The following ZSWIM8 variants were observed in gnomAD, a reference collection of about 807,000 sequenced individuals.
The protein encoded by ZSWIM8 is zinc finger SWIM domain-containing protein 8.
ZSWIM8 carries 27 observed loss-of-function variants against 173.7 expected under a neutral mutation model. That is an observed-to-expected ratio of 0.16 (90% CI 0.11 to 0.21). The LOEUF (loss-of-function observed/expected upper bound fraction) is 0.21. ZSWIM8 is among the 10% of genes least tolerant of loss of function. ZSWIM8 has a pLI of 1.00. For missense variants in ZSWIM8, 1,627 were observed against 2,428.8 expected (o/e 0.67, Z 6.94); for synonymous variants, 958 against 962.0 (o/e 1.00, Z 0.08).
Position 73,800,697 on chromosome 10 carries a change from T to C in ZSWIM8, c.5060T>C (p.Phe1687Ser). 1 of 1,613,266 alleles carries C rather than the reference T, an allele frequency of 6.2e-7. No individual in the cohort carries two copies. Among genetic ancestry groups the C allele is most frequent in the Non-Finnish European group, 8.5e-7 (1 of 1,179,688 alleles). ...RRAHNDHPNNFSRSPPYTDDV... is the reference protein window; with the variant it reads ...RRAHNDHPNNSSRSPPYTDDV... Reference sequence around the variant, plus strand: ...GCACACAACGATCACCCCAACAACTTCTCCCGCTCCCCCCCCTACACTGAT... The same window carrying C: ...GCACACAACGATCACCCCAACAACTCCTCCCGCTCCCCCCCCTACACTGAT... Residue 1687 changes from phenylalanine (F) to serine (S), a missense_variant, in exon 24 of 26, where the codon TTC (phenylalanine) becomes TCC (serine). Phe to Ser is a radical substitution (Grantham distance 155). This residue lies in a region of ZSWIM8 where 30 missense variants were observed against 20.9 expected (regional missense o/e 1.44). Coordinates refer to ENST00000604729, the MANE Select transcript of ZSWIM8 (RefSeq NM_001367799.1). This position sits in a 1 kb window ranked among gnomAD's most constrained non-coding sequence, Gnocchi z 4.1.
In ZSWIM8 at chr10:73,791,845, C is replaced by T. The variant is rs745527790; in HGVS notation, c.1320-14C>T. 8 of 1,499,140 alleles carry T rather than the reference C, an allele frequency of 5.3e-6. No individual in the cohort carries two copies. The highest frequency in any genetic ancestry group is 1.4e-5 in the African/African-American group (1 of 72,202). The allele number at this position is 1,499,140 out of a possible 1,614,324, so 92.9% of individuals were successfully genotyped here. On this transcript the variant is annotated splice_polypyrimidine_tract_variant and intron_variant, in intron 9 of 25. Coordinates refer to ENST00000604729, the MANE Select transcript of ZSWIM8 (RefSeq NM_001367799.1). This position sits in a 1 kb window ranked among gnomAD's most constrained non-coding sequence, Gnocchi z 6.0. ...AGTAGCCCCTCAGCAGCCTCCTGCC[C>T]CTTGTTCCCACAGGCGCCGGGAACT...
chr10:73,795,410 G>A (rs1036650624), intron 14 of ZSWIM8, 129 bp from the exon 15 acceptor site: 155 of 1,404,570 alleles, frequency 1.1e-4, no homozygotes, highest in Admixed American at 8.6e-5. Flanking sequence ...GACTTCTATA[G>A]GTGATGTGGG....
At position 73,791,737 on chromosome 10, in the gene ZSWIM8, G is replaced by T; in HGVS notation, c.1320-122G>T. On this transcript the variant is annotated intron_variant, in intron 9 of 25. Coordinates refer to ENST00000604729, the MANE Select transcript of ZSWIM8 (RefSeq NM_001367799.1). This position sits in a 1 kb window ranked among gnomAD's most constrained non-coding sequence, Gnocchi z 6.0. The stretch of plus-strand genomic sequence containing the variant: ...TCCAGTGTTTCAGTGATGCTTATGG[G>T]GCTGGGTCAAGAAGTACTTTCCTGT... The T allele has an allele frequency of 7.4e-7, 1 of 1,352,800 alleles. No individual in the cohort carries two copies. 83.8% of individuals were successfully genotyped at this position (1,352,800 alleles called of 1,614,324 possible).
chr10:73,799,284 G>A lies in ZSWIM8; in HGVS notation c.4459G>A (p.Val1487Met). 5 of 1,601,508 alleles carry A rather than the reference G, an allele frequency of 3.1e-6. No homozygotes were observed. The highest frequency in any genetic ancestry group is 4.3e-6 in the Non-Finnish European group (5 of 1,174,310). The change falls in exon 21 of 26, where the codon GTG becomes ATG. Residue 1487 changes from valine to methionine, a missense_variant. Transcript: ENST00000604729. ...AAAVTAAATV[V>M]PVISVGSSLY... ...AGCAGTGACAGCAGCAGCCACAGTG[G>A]TGCCCGTCATATCGGTGGGGTCTAG... is the stretch of plus-strand genomic sequence containing the variant.
chr10:73,801,550 C>A lies in ZSWIM8; in HGVS notation c.*31C>A. On this transcript the variant is annotated 3_prime_UTR_variant, in exon 26 of 26. Coordinates refer to ENST00000604729, the MANE Select transcript of ZSWIM8 (RefSeq NM_001367799.1). The surrounding 1 kb of genome is among the most constrained non-coding windows in gnomAD (Gnocchi z 4.9). ...TCACCCTTAGGGTCCTATACAGGGA[C>A]CCAGGCCTGTGGCTATGGGGGCCCC... 6.2e-7 allele frequency: 1 copy of A among 1,610,016 alleles called. No individual in the cohort carries two copies. Among genetic ancestry groups the A allele is most frequent in the Non-Finnish European group, 8.5e-7 (1 of 1,178,604 alleles).
At position 73,792,526 on chromosome 10, in the gene ZSWIM8, C is replaced by T; in HGVS notation, c.1987C>T (p.Pro663Ser). ...SRGPSTFLPEPPDTYEEDGGV... is the reference protein window; with the variant it reads ...SRGPSTFLPESPDTYEEDGGV... ...AGGCCCTTCCACTTTCCTTCCTGAG[C>T]CCCCAGATACTTATGAAGAAGATGG... Residue 663 changes from proline (P) to serine (S), a missense_variant, in exon 10 of 26, where the codon CCC becomes TCC. This residue lies in a region of ZSWIM8 where 383 missense variants were observed against 394.8 expected (regional missense o/e 0.97). Transcript: ENST00000604729. The surrounding 1 kb of genome is among the most constrained non-coding windows in gnomAD (Gnocchi z 4.3). 1 of 1,613,958 alleles carries T rather than the reference C, an allele frequency of 6.2e-7. No individual in the cohort carries two copies. The highest frequency in any genetic ancestry group is 8.5e-7 in the Non-Finnish European group (1 of 1,179,842).
rs1237394846 is a variant in ZSWIM8, at chr10:73,792,091, G to A, written c.1552G>A (p.Ala518Thr). 2.6e-6 allele frequency: 4 copies of A among 1,533,326 alleles called. No homozygotes were observed. In the South Asian group the frequency reaches 3.6e-5, roughly 14 times the overall value. 95.0% of individuals were successfully genotyped at this position (1,533,326 alleles called of 1,614,324 possible). A position where few individuals can be genotyped will look rare whatever the true frequency, so the allele number is the denominator to read the frequency against. Residue 518 changes from alanine (A) to threonine (T), a missense_variant, in exon 10 of 26, where the codon GCC (alanine) becomes ACC (threonine). Around this residue, in one of 18 missense-constraint regions of ZSWIM8, gnomAD observed 383 missense variants for 394.8 expected, o/e 0.97. Coordinates refer to ENST00000604729, the MANE Select transcript of ZSWIM8 (RefSeq NM_001367799.1). The surrounding 1 kb of genome is among the most constrained non-coding windows in gnomAD (Gnocchi z 4.3). Reference sequence around the variant, plus strand: ...CCGGGCCCTGCCCTCTCGGCCAGGTGCCTCCCGCTCTGGGGGCCTGGAGGA... The same window carrying A: ...CCGGGCCCTGCCCTCTCGGCCAGGTACCTCCCGCTCTGGGGGCCTGGAGGA... ...WARALPSRPG[A>T]SRSGGLEESR...
chr10:73,789,897 A>C lies in ZSWIM8; in HGVS notation c.739-59A>C, dbSNP rs745522291. The C allele has an allele frequency of 6.3e-7, 1 of 1,589,136 alleles. No individual in the cohort carries two copies. The highest frequency in any genetic ancestry group is 2.3e-5 in the East Asian group (1 of 43,714). On this transcript the variant is annotated intron_variant, in intron 5 of 25. Transcript: ENST00000604729. This position sits in a 1 kb window ranked among gnomAD's most constrained non-coding sequence, Gnocchi z 6.8. The stretch of plus-strand genomic sequence containing the variant: ...GCATAACAGCCTTCCTGTTAGGCCC[A>C]GGCCTCCATGGGTTCACCTAGGCCG...
At chr10:73,794,725 G>T in intron 14 of ZSWIM8, 86 bp downstream of exon 14, 1 of 1,217,958 alleles carries the variant, frequency 8.2e-7, no homozygotes, top group Non-Finnish European at 1.2e-6. Context: ...GGGCTGTATG[G>T]TAATGGGAAG....
At chr10:73,786,826 G>A (rs2083244429) in intron 1 of ZSWIM8, 2 of 152,240 alleles carry the variant, frequency 1.3e-5, no homozygotes, top group Admixed American at 1.3e-4. Context: ...TTTTTCAGCA[G>A]TTGAGATGTT....
rs753646322 is a variant in ZSWIM8 at position 73,791,071 on chromosome 10, C to T, written c.1038C>T (p.Gly346=). 26 of 1,613,916 alleles carry T rather than the reference C, an allele frequency of 1.6e-5. No individual in the cohort carries two copies. The highest frequency in any genetic ancestry group is 2.1e-5 in the Non-Finnish European group (25 of 1,179,876). Residue 346 remains glycine, a synonymous_variant, in exon 8 of 26, where the codon GGC becomes GGT. Coordinates refer to ENST00000604729, the MANE Select transcript of ZSWIM8 (RefSeq NM_001367799.1). This position sits in a 1 kb window ranked among gnomAD's most constrained non-coding sequence, Gnocchi z 6.0. ...CTCTGAGGGGCCGTGAGCCAGAGGG[C>T]GTCTGGAACCTGCTAAGCATTGTGC... ...LRPLRGREPE[G]VWNLLSIVRE...
At position 73,790,157 on chromosome 10, in the gene ZSWIM8, G is replaced by T. The variant is rs1259065132; in HGVS notation, c.821-15G>T. On this transcript the variant is annotated splice_polypyrimidine_tract_variant and intron_variant, in intron 6 of 25. Coordinates refer to ENST00000604729, the MANE Select transcript of ZSWIM8 (RefSeq NM_001367799.1). ...GGCCCCTATCTCTAGATGACTGACTGCCTGTCATCCTCAGACCCCACAGCA... is the reference window on the plus strand; with the variant it reads ...GGCCCCTATCTCTAGATGACTGACTTCCTGTCATCCTCAGACCCCACAGCA... 1.9e-6 allele frequency: 3 copies of T among 1,610,720 alleles called. No homozygotes were observed. Among genetic ancestry groups the T allele is most frequent in the East Asian group, 4.5e-5 (2 of 44,860 alleles).
Position 73,789,488 on chromosome 10 carries a change from G to T in ZSWIM8, c.579G>T (p.Gly193=). 1 of 1,613,222 alleles carries T rather than the reference G, an allele frequency of 6.2e-7. No homozygotes were observed. Among genetic ancestry groups the T allele is most frequent in the Non-Finnish European group, 8.5e-7 (1 of 1,179,628 alleles). Residue 193 remains glycine (G), a synonymous_variant, in exon 4 of 26, where the codon GGG becomes GGT. Coordinates refer to ENST00000604729, the MANE Select transcript of ZSWIM8 (RefSeq NM_001367799.1). The surrounding 1 kb of genome is among the most constrained non-coding windows in gnomAD (Gnocchi z 6.8). ...VTSCSCTCGA[G]AKWCTHVVAL... ...CCTGCAGCTGTACCTGTGGGGCTGG[G>T]GCCAAATGGTGCACCCACGTCGTGG...
Position 73,794,006 on chromosome 10 carries a change from G to C in ZSWIM8, c.2587G>C (p.Glu863Gln), listed in dbSNP as rs761504101. Residue 863 changes from glutamate (E) to glutamine (Q), a missense_variant, in exon 12 of 26, where the codon GAG (glutamate) becomes CAG (glutamine). By Grantham distance (29) the Glu-to-Gln change is conservative (BLOSUM62 2). Around this residue, in one of 18 missense-constraint regions of ZSWIM8, gnomAD observed 169 missense variants for 235.3 expected, o/e 0.72. Transcript: ENST00000604729. ...CTTCCGAGTTGGCATGTTTGCCTTGGAGCTACAGAGGCCTCCAGCTTCTAC... is the reference window on the plus strand; with the variant it reads ...CTTCCGAGTTGGCATGTTTGCCTTGCAGCTACAGAGGCCTCCAGCTTCTAC... ...LAFRVGMFAL[E>Q]LQRPPASTKA... 6 of 1,613,286 alleles carry C rather than the reference G, an allele frequency of 3.7e-6. No homozygotes were observed. The highest frequency in any genetic ancestry group is 2.7e-5 in the African/African-American group (2 of 74,888).
In ZSWIM8 at chr10:73,792,539, A is replaced by G. The variant is rs2083455169; in HGVS notation, c.2000A>G (p.Tyr667Cys). Reference protein sequence around the residue: ...STFLPEPPDTYEEDGGVYFSE... With the variant: ...STFLPEPPDTCEEDGGVYFSE... Reference sequence around the variant, plus strand: ...TTCCTTCCTGAGCCCCCAGATACTTATGAAGAAGATGGTGGTGTGTACTTC... The same window carrying G: ...TTCCTTCCTGAGCCCCCAGATACTTGTGAAGAAGATGGTGGTGTGTACTTC... Residue 667 changes from tyrosine to cysteine, a missense_variant, in exon 10 of 26, where the codon TAT becomes TGT. Around this residue, in one of 18 missense-constraint regions of ZSWIM8, gnomAD observed 383 missense variants for 394.8 expected, o/e 0.97. Transcript: ENST00000604729. This position sits in a 1 kb window ranked among gnomAD's most constrained non-coding sequence, Gnocchi z 4.3. 4 of 1,613,942 alleles carry G rather than the reference A, an allele frequency of 2.5e-6. No homozygotes were observed. In the South Asian group the frequency reaches 4.4e-5, roughly 18 times the overall value.
In ZSWIM8 at chr10:73,798,991, C is replaced by G. The variant is rs1484232231; in HGVS notation, c.4177-11C>G. On this transcript the variant is annotated splice_polypyrimidine_tract_variant and intron_variant, in intron 20 of 25. Transcript: ENST00000604729. Reference sequence around the variant, plus strand: ...CTTTCCCCCTTAACACTCTGTGCCCCTCTCTTCCAGGACAACCTGATGTTG... The same window carrying G: ...CTTTCCCCCTTAACACTCTGTGCCCGTCTCTTCCAGGACAACCTGATGTTG... 6.3e-7 allele frequency: 1 copy of G among 1,599,332 alleles called. No homozygotes were observed. The highest frequency in any genetic ancestry group is 1.3e-5 in the African/African-American group (1 of 74,914).
At chr10:73,794,103 T>G (rs2083522175) in intron 12 of ZSWIM8, 44 bp from the exon 13 acceptor site, 9 of 1,611,978 alleles carry the variant, frequency 5.6e-6, no homozygotes, top group Non-Finnish European at 7.6e-6. Flanking sequence ...CACCTTGATC[T>G]CTATTGACAC....
At chr10:73,788,562 C>G in intron 1 of ZSWIM8, 108 bp from the exon 2 acceptor site, 1 of 1,345,758 alleles carries the variant, frequency 7.4e-7, no homozygotes, top group South Asian at 1.5e-5. Flanking sequence ...TTCTTTCTTT[C>G]ATAGTGAAGA....
chr10:73,792,994 A>G lies in ZSWIM8; in HGVS notation c.2313+142A>G, dbSNP rs1161315922. The G allele has an allele frequency of 6.8e-6, 7 of 1,029,466 alleles. No homozygotes were observed. The East Asian group carries it at 1.5e-4, about 22-fold the overall frequency. 63.8% of individuals were successfully genotyped at this position (1,029,466 alleles called of 1,614,324 possible). On this transcript the variant is annotated intron_variant, in intron 10 of 25. Coordinates refer to ENST00000604729, the MANE Select transcript of ZSWIM8 (RefSeq NM_001367799.1). The surrounding 1 kb of genome is among the most constrained non-coding windows in gnomAD (Gnocchi z 4.3). ...GCGCCGAACTGGTCTCCCTGCTTTC[A>G]GTCTACTCACTTTTCTGCTTCCACG...
Sources: gnomAD v4.1 joint callset for allele counts on GRCh38, gnomAD v4.1.1 for gene constraint, gnomAD v4.1.1 regional missense constraint, Gnocchi (gnomAD v3.1) non-coding constraint, MANE v1.5 for transcripts, NCBI Gene and HGNC (gene_info 2026-07-23, HGNC 2026-07-21) for gene names.